The following AJUBA variants were observed in gnomAD, a reference collection of about 807,000 sequenced individuals.
AJUBA encodes the protein ajuba LIM protein.
A neutral mutation model predicts 53.3 loss-of-function variants in AJUBA; 20 were observed. The ratio of observed to expected loss-of-function variants is 0.38; its 90% CI spans 0.26 to 0.55. AJUBA has a LOEUF of 0.55. AJUBA is among the 20% of genes least tolerant of loss of function. The probability of loss-of-function intolerance (pLI) is 0.80; values close to 1 mark genes in which losing one functional copy is unlikely to be tolerated. For missense variants in AJUBA, 580 were observed against 730.5 expected (o/e 0.79, Z 2.38); for synonymous variants, 296 against 306.2 (o/e 0.97, Z 0.35).
intron 4 of AJUBA, among the ~76,000 whole-genome samples, chr14:22,976,161 A>AAG (rs1199382126): frequency 1.3e-5 from 2 of 151,470 alleles, no homozygotes; most frequent in African/African-American, 4.8e-5. Context: ...AAAAAAAAAA[A>AAG]AAAAAAAGAC....
chr14:22,973,625 T>TCTTAGGAGTCTGCC lies in AJUBA; in HGVS notation c.1492-71_1492-58dup, dbSNP rs1255779131. On this transcript the variant is annotated intron_variant, in intron 7 of 7. Coordinates refer to ENST00000262713, the MANE Select transcript of AJUBA (RefSeq NM_032876.6). The stretch of plus-strand genomic sequence containing the variant: ...CTAGGCACCTTGGACACTGAGGGTA[T>TCTTAGGAGTCTGCC]CTTAGGAGTCTGCCCTGCTCAACAC... The TCTTAGGAGTCTGCC allele has an allele frequency of 1.9e-6, 3 of 1,601,952 alleles. No homozygotes were observed. In the African/African-American group the frequency reaches 4.0e-5, roughly 21 times the overall value.
chr14:22,982,189 C>A lies in AJUBA; in HGVS notation c.78G>T (p.Gly26=). 6.2e-7 allele frequency: 1 copy of A among 1,613,914 alleles called. No homozygotes were observed. Among genetic ancestry groups the A allele is most frequent in the Non-Finnish European group, 8.5e-7 (1 of 1,179,912 alleles). Residue 26 remains glycine (G), a synonymous_variant, in exon 1 of 8, where the codon GGG becomes GGT. Transcript: ENST00000262713. ...GRRKGESSRS[G]SDGTPGPGKG... ...TGCCCGGCCCGGGGGTCCCGTCAGA[C>A]CCAGACCGGCTAGATTCACCCTTTC...
intron 4 of AJUBA, chr14:22,975,427 TTTG>T (rs930135298): frequency 1.2e-5 from 3 of 242,656 alleles, no homozygotes; most frequent in African/African-American, 6.7e-5. Context: ...TGTTTTTTGT[TTTG>T]TTTTGTTTTT....
At chr14:22,978,587 T>C (rs1188695619) in intron 1 of AJUBA, 142 bp from the exon 2 acceptor site, 13 of 1,429,242 alleles carry the variant, frequency 9.1e-6, no homozygotes, top group Non-Finnish European at 1.2e-5. Context: ...AGATAACGAG[T>C]AATGAGATGC....
intron 2 of AJUBA, 66 bp from the exon 3 acceptor site, chr14:22,976,778 T>C: frequency 1.3e-6 from 2 of 1,579,556 alleles, no homozygotes; most frequent in Non-Finnish European, 1.7e-6. Flanking sequence ...CTGGGGTCAC[T>C]GCTCCCCGCT....
At chr14:22,974,259 G>A in intron 6 of AJUBA, 144 bp from the exon 7 acceptor site, 2 of 852,026 alleles carry the variant, frequency 2.3e-6, no homozygotes, top group South Asian at 1.5e-5. Context: ...GTTTTAAGAT[G>A]CTTCTGCAAA....
chr14:22,979,388 G>A lies in AJUBA; in HGVS notation c.1007-943C>T, dbSNP rs1235232479. On this transcript the variant is annotated intron_variant, in intron 1 of 7. Coordinates refer to ENST00000262713, the MANE Select transcript of AJUBA (RefSeq NM_032876.6). The surrounding 1 kb of genome is among the most constrained non-coding windows in gnomAD (Gnocchi z 4.0). The stretch of plus-strand genomic sequence containing the variant: ...CCTGTTGGGGCCCATCCCAGTCTTT[G>A]CCCAGGGGCTTGGGAGCCTGTGCAG... Among the ~76,000 whole-genome samples, 1 of 152,324 alleles carries A rather than the reference G, an allele frequency of 6.6e-6. No individual in the cohort carries two copies. The highest frequency in any genetic ancestry group is 1.9e-4 in the East Asian group (1 of 5,186).
At chr14:22,981,223 C>T in intron 1 of AJUBA, 38 bp downstream of exon 1, 1 of 1,546,082 alleles carries the variant, frequency 6.5e-7, no homozygotes, top group Non-Finnish European at 8.7e-7. Flanking sequence ...AATACCGTGA[C>T]GGGTCCCTTC....
At position 22,974,050 on chromosome 14, in the gene AJUBA, A is replaced by G; in HGVS notation, c.1488T>C (p.Cys496=). The change falls in exon 7 of 8, where the codon TGT becomes TGC. Residue 496 remains cysteine (C), a synonymous_variant. Transcript: ENST00000262713. ...DRDYHFECYH[C]EDCRMQLSDE... ...ACCGCTGAACCCCAACACTCACCTC[A>G]CAGTGGTAGCACTCAAAGTGATAAT... 6.2e-7 allele frequency: 1 copy of G among 1,613,946 alleles called. No individual in the cohort carries two copies. Among genetic ancestry groups the G allele is most frequent in the Non-Finnish European group, 8.5e-7 (1 of 1,179,972 alleles).
Position 22,973,088 on chromosome 14 carries a change from T to G in AJUBA, c.*355A>C. 3 of 231,408 alleles carry G rather than the reference T, an allele frequency of 1.3e-5. No homozygotes were observed. The highest frequency in any genetic ancestry group is 6.0e-5 in the South Asian group (1 of 16,568). The allele number at this position is 231,408 out of a possible 1,614,324, so 14.3% of individuals were successfully genotyped here. A position where few individuals can be genotyped will look rare whatever the true frequency, so the allele number is the denominator to read the frequency against. On this transcript the variant is annotated 3_prime_UTR_variant, in exon 8 of 8. Transcript: ENST00000262713. ...TGGGAGGATCATTCGAGCCCAGGAG[T>G]TCAAGACTAGCCTGGGCAACATGGT...
chr14:22,982,447 G>C lies in AJUBA; in HGVS notation c.-181C>G. ...TCCCACAGCATCCCCCAGCGGGAGG[G>C]GCTGCGTCCCCCCGCGCATCTGGGG... On this transcript the variant is annotated 5_prime_UTR_variant, in exon 1 of 8. Transcript: ENST00000262713. 1 of 1,430,990 alleles carries C rather than the reference G, an allele frequency of 7.0e-7. No individual in the cohort carries two copies. The highest frequency in any genetic ancestry group is 9.1e-7 in the Non-Finnish European group (1 of 1,100,674). The allele number at this position is 1,430,990 out of a possible 1,614,324, so 88.6% of individuals were successfully genotyped here. A position where few individuals can be genotyped will look rare whatever the true frequency, so the allele number is the denominator to read the frequency against.
chr14:22,975,770 A>AC (rs147087946), intron 4 of AJUBA: 67,093 of 150,952 alleles, frequency 0.44, 15,967 homozygotes, highest in African/African-American at 0.61. Context: ...AATGGCGTGA[A>AC]CCAGGAGGCG....
rs746327584 is a variant in AJUBA, at chr14:22,982,067, T to C, written c.200A>G (p.Gln67Arg). 18 of 1,592,872 alleles carry C rather than the reference T, an allele frequency of 1.1e-5. No individual in the cohort carries two copies. The highest frequency in any genetic ancestry group is 1.5e-5 in the Non-Finnish European group (18 of 1,173,148). The change falls in exon 1 of 8, where the codon CAA becomes CGA. Residue 67 changes from glutamine (Q) to arginine (R), a missense_variant. Coordinates refer to ENST00000262713, the MANE Select transcript of AJUBA (RefSeq NM_032876.6). Reference protein sequence around the residue: ...GDEPLEPAREQGSLDAERNQR... With the variant: ...GDEPLEPARERGSLDAERNQR... ...ATTTCGCTCAGCGTCCAGGGAACCT[T>C]GCTCCCGGGCCGGCTCCAACGGCTC... is the stretch of plus-strand genomic sequence containing the variant.
chr14:22,981,964 T>C lies in AJUBA; in HGVS notation c.303A>G (p.Leu101=), dbSNP rs772237520. The change falls in exon 1 of 8, where the codon CTA becomes CTG. Residue 101 remains leucine (L), a synonymous_variant. Coordinates refer to ENST00000262713, the MANE Select transcript of AJUBA (RefSeq NM_032876.6). ...GAAAATCGGGGGGCAACGACTGAGG[T>C]AGAGGCAAGGCCCGGGTGGGCGGCG... ...AGPPPTRALP[L]PQSLPPDFRL... 14 of 1,578,436 alleles carry C rather than the reference T, an allele frequency of 8.9e-6. No individual in the cohort carries two copies. In the African/African-American group the frequency reaches 1.8e-4, roughly 20 times the overall value.
At chr14:22,980,873 G>A (rs1036359860) in intron 1 of AJUBA, among the ~76,000 whole-genome samples, 1 of 152,158 alleles carries the variant, frequency 6.6e-6, no homozygotes, top group African/African-American at 2.4e-5. Flanking sequence ...GCCTGGGCCC[G>A]GGTGGGGGCG....
In AJUBA at chr14:22,981,503, C is replaced by A. The variant is rs773537445; in HGVS notation, c.764G>T (p.Arg255Leu). 7 of 1,590,360 alleles carry A rather than the reference C, an allele frequency of 4.4e-6. No homozygotes were observed. The highest frequency in any genetic ancestry group is 3.4e-5 in the South Asian group (3 of 89,002). The change falls in exon 1 of 8, where the codon CGG (arginine) becomes CTG (leucine). Residue 255 changes from arginine to leucine, a missense_variant. Physicochemically the swap from Arg to Leu is moderately radical, Grantham distance 102. Around this residue, in one of 2 missense-constraint regions of AJUBA, gnomAD observed 430 missense variants for 471.5 expected, o/e 0.91. Coordinates refer to ENST00000262713, the MANE Select transcript of AJUBA (RefSeq NM_032876.6). ...GVGAAGPLER[R>L]GAQPGRHSVT... The stretch of plus-strand genomic sequence containing the variant: ...AGAGTGTCGTCCGGGTTGCGCCCCC[C>A]GTCTCTCCAAGGGCCCCGCCGCTCC...
At chr14:22,976,988 C>T (rs1025642095) in intron 2 of AJUBA, 4 of 1,333,620 alleles carry the variant, frequency 3.0e-6, no homozygotes, top group Non-Finnish European at 3.8e-6. Context: ...AAACAAACTG[C>T]CTTCCTCTCC....
intron 6 of AJUBA, 80 bp downstream of exon 6, chr14:22,974,759 G>A: frequency 2.7e-6 from 4 of 1,475,438 alleles, no homozygotes; most frequent in Admixed American, 2.0e-5. Flanking sequence ...CTTCTGGCAG[G>A]AGGCCAGGCA....
intron 4 of AJUBA, chr14:22,975,360 T>G (rs981398361): frequency 1.8e-5 from 8 of 441,342 alleles, no homozygotes; most frequent in Non-Finnish European, 3.2e-5. Context: ...AAAACATCAA[T>G]GCTTTGGCCC....
Sources: gnomAD v4.1 joint callset for allele counts (sites outside exome capture counted in the v4.1 genomes callset) on GRCh38, gnomAD v4.1.1 for gene constraint, gnomAD v4.1.1 regional missense constraint, Gnocchi (gnomAD v3.1) non-coding constraint, MANE v1.5 for transcripts, NCBI Gene and HGNC (gene_info 2026-07-23, HGNC 2026-07-21) for gene names.